The following TBCD variants were observed in gnomAD, a reference collection of about 807,000 sequenced individuals.
TBCD encodes the protein tubulin-specific chaperone D.
Under a neutral mutation model 169.3 loss-of-function variants are expected in TBCD, and 105 were observed. That is an observed-to-expected ratio of 0.62 (90% confidence interval 0.53 to 0.73). The LOEUF (loss-of-function observed/expected upper bound fraction) is 0.73, where lower values mean the gene tolerates loss of function less well. Ranked by LOEUF, TBCD falls within the 30% of genes least tolerant of loss-of-function variation. The pLI, the probability that TBCD is intolerant of heterozygous loss-of-function variation, is 0.00. For synonymous variants in TBCD, 700 were observed against 643.9 expected (o/e 1.09, Z -1.32); for missense variants, 1,444 against 1,600.1 (o/e 0.90, Z 1.66).
intron 17 of TBCD, among the ~76,000 whole-genome samples, chr17:82,894,114 T>G (rs2059329377): frequency 6.6e-6 from 1 of 152,234 alleles, no homozygotes; most frequent in South Asian, 2.1e-4. Context: ...GGAAGTGTTT[T>G]GAAGTTGAAG....
chr17:82,859,910 T>G, intron 13 of TBCD: 14 of 964,752 alleles, frequency 1.5e-5, no homozygotes, highest in East Asian at 1.2e-4. Flanking sequence ...CATTGTGCAC[T>G]GGTGACATGG....
At chr17:82,929,728 A>G (rs2062045768) in intron 32 of TBCD, 1 of 652,216 alleles carries the variant, frequency 1.5e-6, no homozygotes, top group Non-Finnish European at 2.7e-6. Flanking sequence ...GGCCAGCGCC[A>G]CTCTCTTCCT....
intron 13 of TBCD, among the ~76,000 whole-genome samples, chr17:82,842,057 A>G (rs1021778383): frequency 2.6e-5 from 4 of 152,256 alleles, no homozygotes; most frequent in African/African-American, 9.6e-5. Context: ...CTGCTGAGGC[A>G]GCCTCGTGCT....
At chr17:82,793,892 A>C (rs983549079) in intron 7 of TBCD, among the ~76,000 whole-genome samples, 1 of 152,026 alleles carries the variant, frequency 6.6e-6, no homozygotes, top group Non-Finnish European at 1.5e-5. Flanking sequence ...TTGGTGTCGG[A>C]GCAGGACTCG....
chr17:82,799,749 C>T (rs548627023), intron 8 of TBCD, among the ~76,000 whole-genome samples: 5 of 152,314 alleles, frequency 3.3e-5, no homozygotes, highest in East Asian at 1.9e-4. Flanking sequence ...GCCCTGTCGG[C>T]GGGAGGAGCG....
chr17:82,846,275 C>A (rs2055069121), intron 13 of TBCD, among the ~76,000 whole-genome samples: 1 of 146,716 alleles, frequency 6.8e-6, no homozygotes, highest in South Asian at 2.1e-4. Context: ...GTGCTGTGTC[C>A]TCTTGTCCAG....
chr17:82,850,018 C>T (rs1223028527), intron 13 of TBCD, among the ~76,000 whole-genome samples: 4 of 126,982 alleles, frequency 3.2e-5, no homozygotes, highest in African/African-American at 9.1e-5. Context: ...GTTGGCTGTG[C>T]TGTTGTTGGC....
intron 15 of TBCD, among the ~76,000 whole-genome samples, chr17:82,887,162 T>C (rs1372016921): frequency 0.011 from 1,222 of 107,302 alleles, 15 homozygotes; most frequent in African/African-American, 0.04. Flanking sequence ...TGTGTGTGTG[T>C]GTGTGTGCGC....
At position 82,913,915 on chromosome 17, in the gene TBCD, G is replaced by T. The variant is rs115191221; in HGVS notation, c.2038+2126G>T. 7.9e-3 allele frequency: 1,206 copies of T among 152,414 alleles called. 15 individuals carry two copies. Among genetic ancestry groups the T allele is most frequent in the African/African-American group, 0.028 (1,151 of 41,598 alleles). 9.4% of individuals were successfully genotyped at this position (152,414 alleles called of 1,614,324 possible). On this transcript the variant is annotated intron_variant, in intron 23 of 38. Transcript: ENST00000355528. Reference sequence around the variant, plus strand: ...AAACCGCAGGTCCTGGAGCCTCCGTGTGGTTGTCGTGGGCAGCTTTCCACG... The same window carrying T: ...AAACCGCAGGTCCTGGAGCCTCCGTTTGGTTGTCGTGGGCAGCTTTCCACG...
At chr17:82,803,491 C>T (rs1487654822) in intron 9 of TBCD, among the ~76,000 whole-genome samples, 1 of 152,174 alleles carries the variant, frequency 6.6e-6, no homozygotes, top group Non-Finnish European at 1.5e-5. Flanking sequence ...GAGTTTTGGG[C>T]CTCTGTCTCA....
intron 7 of TBCD, among the ~76,000 whole-genome samples, chr17:82,788,069 T>C (rs1042301123): frequency 1.3e-5 from 2 of 152,108 alleles, no homozygotes. Context: ...AAACCCTGTC[T>C]CTACTAAAAA....
chr17:82,800,440 T>C (rs148335924), intron 8 of TBCD, among the ~76,000 whole-genome samples: 139 of 151,934 alleles, frequency 9.1e-4, no homozygotes, highest in Non-Finnish European at 1.6e-3. Flanking sequence ...CCAGCCGCAG[T>C]GTGCTCCATG....
chr17:82,840,953 GGTTTTTTTTTTTT>G (rs1452889677), intron 13 of TBCD, among the ~76,000 whole-genome samples: 1,076 of 70,546 alleles, frequency 0.015, 120 homozygotes, highest in Middle Eastern at 0.046. Flanking sequence ...CAGACAAACT[GGTTTTTTTTTTTT>G]TTTTTTTTTT....
intron 34 of TBCD, among the ~76,000 whole-genome samples, chr17:82,934,476 T>A (rs558289816): frequency 2.0e-5 from 3 of 152,134 alleles, no homozygotes; most frequent in East Asian, 1.9e-4. Context: ...ATACTCCATT[T>A]AAATTTTTTT....
intron 37 of TBCD, among the ~76,000 whole-genome samples, chr17:82,939,970 G>A (rs1015139486): frequency 4.6e-5 from 7 of 152,220 alleles, no homozygotes; most frequent in East Asian, 1.9e-4. Context: ...CACTCTCCAC[G>A]TTTACTTTGG....
intron 7 of TBCD, among the ~76,000 whole-genome samples, chr17:82,790,161 C>T (rs908285829): frequency 6.6e-6 from 1 of 152,192 alleles, no homozygotes; most frequent in Non-Finnish European, 1.5e-5. Flanking sequence ...GGAGCCATTT[C>T]CTTCTGTGAA....
In TBCD at chr17:82,870,235, A is replaced by C; in HGVS notation, c.1330A>C (p.Ile444Leu). ...PSRLVDVVAVILKALTYDEKR... is the reference protein window; with the variant it reads ...PSRLVDVVAVLLKALTYDEKR... ...TTGTCCTTGCCCAGTTGTCGCCGTGATCCTGAAGGCGCTGACCTACGACGA... is the reference window on the plus strand; with the variant it reads ...TTGTCCTTGCCCAGTTGTCGCCGTGCTCCTGAAGGCGCTGACCTACGACGA... Residue 444 changes from isoleucine (I) to leucine (L), a missense_variant, in exon 14 of 39, where the codon ATC becomes CTC. Ile to Leu is a conservative substitution (Grantham distance 5, BLOSUM62 2). Transcript: ENST00000355528. 6.2e-7 allele frequency: 1 copy of C among 1,613,116 alleles called. No homozygotes were observed. The highest frequency in any genetic ancestry group is 8.5e-7 in the Non-Finnish European group (1 of 1,179,870).
At chr17:82,917,695 C>T (rs749330254) in intron 23 of TBCD, among the ~76,000 whole-genome samples, 6 of 152,230 alleles carry the variant, frequency 3.9e-5, no homozygotes, top group African/African-American at 7.2e-5. Context: ...GGCTGGCCCA[C>T]GTTTTACACC....
chr17:82,858,767 G>C, intron 13 of TBCD: 3 of 575,912 alleles, frequency 5.2e-6, no homozygotes, highest in Non-Finnish European at 6.6e-6. Flanking sequence ...CGGTGTGAAC[G>C]GGCCCTGCTC....
Sources: allele counts gnomAD v4.1 joint callset (sites outside exome capture counted in the v4.1 genomes callset), GRCh38; gene constraint gnomAD v4.1.1; transcripts MANE v1.5; gene names NCBI Gene and HGNC (gene_info 2026-07-23, HGNC 2026-07-21).